The following LEPR variants were observed in gnomAD, a reference collection of about 807,000 sequenced individuals.
The protein encoded by LEPR is leptin receptor, also known as OB receptor.
In LEPR, 56 loss-of-function variants were observed where a neutral mutation model predicts 114.7. That is an observed-to-expected ratio of 0.49 (90% CI 0.39 to 0.61). The LOEUF (loss-of-function observed/expected upper bound fraction) is 0.61, where lower values mean the gene tolerates loss of function less well. LEPR is among the 20% of genes least tolerant of loss of function. LEPR has a pLI of 0.00. For missense variants in LEPR, 1,202 were observed against 1,352.9 expected, an observed-to-expected ratio of 0.89 and a Z score of 1.75; for synonymous variants, 443 against 461.4, an observed-to-expected ratio of 0.96 and a Z score of 0.51.
chr1:65,481,933 A>T (rs1464714243), intron 2 of LEPR, among the ~76,000 whole-genome samples: 2 of 151,898 alleles, frequency 1.3e-5, no homozygotes, highest in African/African-American at 4.8e-5. Flanking sequence ...TAGAAATTTT[A>T]TATGATGATT....
chr1:65,633,430 A>G lies in LEPR; in HGVS notation c.2674-2761A>G, dbSNP rs754048263. On this transcript the variant is annotated intron_variant, in intron 19 of 19. Coordinates refer to ENST00000349533, the MANE Select transcript of LEPR (RefSeq NM_002303.6). This position sits in a 1 kb window ranked among gnomAD's most constrained non-coding sequence, Gnocchi z 4.1. The stretch of plus-strand genomic sequence containing the variant: ...CATCTAAAGTTTAAAAGTAGTATTC[A>G]TGATTTCTGGCTTTTGATTTGTCAT... 1.0e-5 allele frequency: 13 copies of G among 1,284,548 alleles called. No individual in the cohort carries two copies. The highest frequency in any genetic ancestry group is 1.3e-5 in the Non-Finnish European group (13 of 1,017,152). The allele number at this position is 1,284,548 out of a possible 1,614,324, so 79.6% of individuals were successfully genotyped here.
intron 19 of LEPR, among the ~76,000 whole-genome samples, chr1:65,625,790 T>C (rs1283625538): frequency 6.6e-6 from 1 of 152,180 alleles, no homozygotes; most frequent in Admixed American, 6.5e-5. Context: ...TGGAAGGCAG[T>C]ACCTAGCATA....
chr1:65,433,654 C>T (rs1646518874), intron 2 of LEPR: 1 of 985,088 alleles, frequency 1.0e-6, no homozygotes, highest in South Asian at 4.7e-5. Context: ...TTTATGTTTT[C>T]AGTGTCCTGT....
At chr1:65,434,659 T>A in intron 2 of LEPR, 1 of 985,408 alleles carries the variant, frequency 1.0e-6, no homozygotes, top group Non-Finnish European at 1.2e-6. Flanking sequence ...TTTCCACCCC[T>A]TTTCCTAAGA....
chr1:65,424,448 G>A (rs1007193641), intron 1 of LEPR, among the ~76,000 whole-genome samples: 2 of 152,156 alleles, frequency 1.3e-5, no homozygotes, highest in Non-Finnish European at 2.9e-5. Flanking sequence ...CTGGAGTTAT[G>A]TGGACCAACT....
intron 2 of LEPR, among the ~76,000 whole-genome samples, chr1:65,460,608 T>C (rs2100371345): frequency 6.6e-6 from 1 of 152,266 alleles, no homozygotes; most frequent in East Asian, 1.9e-4. Context: ...AGAGGGGCCA[T>C]GCGCGATGGC....
intron 2 of LEPR, among the ~76,000 whole-genome samples, chr1:65,564,744 G>A (rs1653601420): frequency 6.6e-6 from 1 of 152,174 alleles, no homozygotes; most frequent in Admixed American, 6.5e-5. Flanking sequence ...GAAAACCCAA[G>A]TCCCACAGCT....
intron 2 of LEPR, among the ~76,000 whole-genome samples, chr1:65,517,523 G>A (rs1307373299): frequency 2.6e-5 from 4 of 152,180 alleles, no homozygotes; most frequent in African/African-American, 9.7e-5. Flanking sequence ...CACCTTTGGA[G>A]GGAAGAATTG....
At chr1:65,623,034 GC>G in intron 19 of LEPR, 53 bp downstream of exon 19, 2 of 1,537,630 alleles carry the variant, frequency 1.3e-6, no homozygotes, top group Non-Finnish European at 1.8e-6. Flanking sequence ...CAATCTAGAC[GC>G]CATATGACTT....
chr1:65,602,430 T>C (rs1656507549), intron 10 of LEPR, among the ~76,000 whole-genome samples: 2 of 151,976 alleles, frequency 1.3e-5, no homozygotes, highest in Non-Finnish European at 2.9e-5. Flanking sequence ...TAAATACTTA[T>C]GGTTAATAAA....
At chr1:65,433,312 C>T (rs1490220983) in intron 2 of LEPR, 2 of 985,282 alleles carry the variant, frequency 2.0e-6, no homozygotes, top group Non-Finnish European at 2.4e-6. Context: ...TGTCTTCCGT[C>T]CTGTAGGTCT....
At chr1:65,530,905 G>T (rs375911230) in intron 2 of LEPR, among the ~76,000 whole-genome samples, 1 of 152,070 alleles carries the variant, frequency 6.6e-6, no homozygotes, top group Admixed American at 6.6e-5. Context: ...CAACTCTCAC[G>T]TGAGTTATTG....
At chr1:65,463,879 C>A (rs536798930) in intron 2 of LEPR, among the ~76,000 whole-genome samples, 1 of 152,168 alleles carries the variant, frequency 6.6e-6, no homozygotes, top group East Asian at 1.9e-4. Flanking sequence ...GATTTTATAT[C>A]CTGAGACTTT....
In LEPR at chr1:65,596,341, A is replaced by G. The variant is rs111999491; in HGVS notation, c.704-107A>G. 4.9e-5 allele frequency: 67 copies of G among 1,376,882 alleles called. 1 individual carries two copies. Among genetic ancestry groups the G allele is most frequent in the African/African-American group, 4.3e-4 (30 of 69,696 alleles). 85.3% of individuals were successfully genotyped at this position (1,376,882 alleles called of 1,614,324 possible). ...CCTTGGATAAAGTCACCTTTTAAGT[A>G]CTTGAAAGGCAAGATATGATGAAAA... On this transcript the variant is annotated intron_variant, in intron 6 of 19. Coordinates refer to ENST00000349533, the MANE Select transcript of LEPR (RefSeq NM_002303.6).
At chr1:65,552,811 T>C (rs1212156057) in intron 2 of LEPR, among the ~76,000 whole-genome samples, 1 of 152,188 alleles carries the variant, frequency 6.6e-6, no homozygotes, top group Non-Finnish European at 1.5e-5. Context: ...TTCATAGTGT[T>C]GATGGTCTTT....
intron 7 of LEPR, among the ~76,000 whole-genome samples, 159 bp from the exon 8 acceptor site, chr1:65,598,501 T>A (rs1298301436): frequency 6.6e-6 from 1 of 152,182 alleles, no homozygotes; most frequent in Non-Finnish European, 1.5e-5. Flanking sequence ...TGCAAACTTT[T>A]TTTTTGGTTA....
intron 2 of LEPR, among the ~76,000 whole-genome samples, chr1:65,509,436 A>T (rs1379755879): frequency 6.7e-6 from 1 of 150,180 alleles, no homozygotes; most frequent in Non-Finnish European, 1.5e-5. Context: ...TGCATCTATT[A>T]TGATGATCAT....
In LEPR at chr1:65,570,685, A is replaced by C; in HGVS notation, c.253A>C (p.Thr85Pro). 6.2e-7 allele frequency: 1 copy of C among 1,613,906 alleles called. No individual in the cohort carries two copies. Among genetic ancestry groups the C allele is most frequent in the Non-Finnish European group, 8.5e-7 (1 of 1,179,878 alleles). Residue 85 changes from threonine (T) to proline (P), a missense_variant, in exon 4 of 20, where the codon ACA (threonine) becomes CCA (proline). Physicochemically the swap from Thr to Pro is conservative, Grantham distance 38. Transcript: ENST00000349533. ...TACTCACTTTTCTAACTTATCCAAA[A>C]CAACTTTCCACTGTTGCTTTCGGAG... ...SGTHFSNLSK[T>P]TFHCCFRSEQ...
At chr1:65,543,600 A>G (rs371728435) in intron 2 of LEPR, among the ~76,000 whole-genome samples, 1 of 151,934 alleles carries the variant, frequency 6.6e-6, no homozygotes, top group Admixed American at 6.5e-5. Context: ...TTATGGGTTT[A>G]GGTCTTACAT....
Sources: allele counts gnomAD v4.1 joint callset (sites outside exome capture counted in the v4.1 genomes callset), GRCh38; gene constraint gnomAD v4.1.1; non-coding constraint Gnocchi (gnomAD v3.1); transcripts MANE v1.5; gene names NCBI Gene and HGNC (gene_info 2026-07-23, HGNC 2026-07-21).